UST: variants seen among roughly 807,000 people sequenced by gnomAD.
The protein encoded by UST is chondroitin sulfate 2-O-sulfotransferase.
A neutral mutation model predicts 45.6 loss-of-function variants in UST; 21 were observed. The observed-to-expected ratio is 0.46, with a 90% confidence interval of 0.33 to 0.66. The LOEUF is 0.66. UST is among the 30% of genes least tolerant of loss of function. UST has a pLI of 0.02. For missense variants in UST, 463 were observed against 512.4 expected, an observed-to-expected ratio of 0.90 and a Z score of 0.93; for synonymous variants, 215 against 200.6, an observed-to-expected ratio of 1.07 and a Z score of -0.61.
At chr6:148,987,876 A>G (rs1199174498) in intron 5 of UST, among the ~76,000 whole-genome samples, 1 of 152,116 alleles carries the variant, frequency 6.6e-6, no homozygotes, top group East Asian at 1.9e-4. Flanking sequence ...TCGTTCAGCC[A>G]AACAGACATG....
chr6:148,749,182 A>G (rs1159035098), intron 1 of UST, among the ~76,000 whole-genome samples: 1 of 152,186 alleles, frequency 6.6e-6, no homozygotes, highest in Non-Finnish European at 1.5e-5. Flanking sequence ...TTGGGGCAAT[A>G]TATCCTTTAT....
At chr6:148,954,371 CTCTG>C (rs967664785) in intron 4 of UST, among the ~76,000 whole-genome samples, 1 of 152,194 alleles carries the variant, frequency 6.6e-6, no homozygotes, top group Non-Finnish European at 1.5e-5. Flanking sequence ...AAGTACCAGC[CTCTG>C]TCTGTCTTTT....
chr6:148,904,768 C>G (rs1043761303), intron 2 of UST, among the ~76,000 whole-genome samples: 2 of 152,176 alleles, frequency 1.3e-5, no homozygotes, highest in South Asian at 4.1e-4. Context: ...AAGTGAAGTC[C>G]TCAGTCTCCC....
chr6:148,947,340 G>A (rs890120984), intron 3 of UST, among the ~76,000 whole-genome samples: 4 of 152,152 alleles, frequency 2.6e-5, no homozygotes, highest in East Asian at 1.9e-4. Context: ...TCTTAATCAC[G>A]ATAGGCACCA....
At chr6:148,949,972 G>T (rs1381590810) in intron 3 of UST, among the ~76,000 whole-genome samples, 2 of 152,140 alleles carry the variant, frequency 1.3e-5, no homozygotes, top group Non-Finnish European at 2.9e-5. Flanking sequence ...CTCCATGAAT[G>T]GATACCATCA....
chr6:148,954,213 G>T (rs1780433055), intron 4 of UST, among the ~76,000 whole-genome samples: 1 of 152,100 alleles, frequency 6.6e-6, no homozygotes. Flanking sequence ...TTTTAAAAAG[G>T]AATCAGATTT....
At chr6:148,890,446 C>A (rs1360818433) in intron 2 of UST, among the ~76,000 whole-genome samples, 3 of 152,178 alleles carry the variant, frequency 2.0e-5, no homozygotes, top group Admixed American at 1.3e-4. Context: ...CCAGACCCAT[C>A]TTTTTCATAT....
intron 7 of UST, among the ~76,000 whole-genome samples, chr6:149,040,784 C>T (rs1023010680): frequency 3.9e-5 from 6 of 152,194 alleles, no homozygotes; most frequent in Non-Finnish European, 7.3e-5. Context: ...CTGAACTCCA[C>T]GGCGTGGCTT....
chr6:149,017,819 C>CACACAG (rs1304741806), intron 5 of UST, among the ~76,000 whole-genome samples: 3 of 151,524 alleles, frequency 2.0e-5, no homozygotes, highest in Non-Finnish European at 4.4e-5. Flanking sequence ...CACACACACA[C>CACACAG]ACACACACAC....
chr6:148,972,639 A>C (rs921436338), intron 5 of UST, among the ~76,000 whole-genome samples: 1 of 152,334 alleles, frequency 6.6e-6, no homozygotes, highest in East Asian at 1.9e-4. Flanking sequence ...TCCGCCGGCC[A>C]CCTGTCAGCT....
rs1237564843 is a variant in UST, at chr6:149,074,116, A to T, written c.1221A>T (p.Ter407CysextTer29). The T allele has an allele frequency of 6.2e-7, 1 of 1,613,574 alleles. No individual in the cohort carries two copies. ...EKWLEDIYKR[*>C] ...GGCTGGAAGATATTTATAAGAGGTG[A>T]TGTGACTGTGTTGCCTCTATGGCTT... is the stretch of plus-strand genomic sequence containing the variant. Residue 407 changes from the stop codon to cysteine, a stop_lost, in exon 8 of 8, where the codon TGA (stop) becomes TGT (cysteine). Transcript: ENST00000367463.
At chr6:149,026,328 A>G (rs1776050793) in intron 7 of UST, among the ~76,000 whole-genome samples, 1 of 152,150 alleles carries the variant, frequency 6.6e-6, no homozygotes, top group Admixed American at 6.5e-5. Flanking sequence ...AAAATAAAAT[A>G]AAAGTAAAAA....
intron 5 of UST, among the ~76,000 whole-genome samples, chr6:149,016,865 C>G (rs2340751): frequency 0.67 from 102,282 of 152,074 alleles, 34,795 homozygotes; most frequent in African/African-American, 0.75. Context: ...TCCTGGCCCC[C>G]TCCCTGTTGC....
chr6:148,865,532 AG>A (rs1220830444), intron 1 of UST, among the ~76,000 whole-genome samples: 2,034 of 149,798 alleles, frequency 0.014, 29 homozygotes, highest in Admixed American at 0.025. Flanking sequence ...TGTTTTAAAA[AG>A]AGAGAGAGAG....
intron 2 of UST, among the ~76,000 whole-genome samples, chr6:148,928,229 T>C (rs1174443078): frequency 3.3e-5 from 5 of 152,242 alleles, no homozygotes; most frequent in Admixed American, 2.6e-4. Context: ...AACTTCTGTT[T>C]CCTTCATTTG....
At chr6:148,966,548 A>C (rs1780803261) in intron 5 of UST, among the ~76,000 whole-genome samples, 1 of 152,230 alleles carries the variant, frequency 6.6e-6, no homozygotes, top group South Asian at 2.1e-4. Flanking sequence ...ACTACTCTTC[A>C]AATATTAATG....
chr6:148,842,399 A>G (rs1416019680), intron 1 of UST, among the ~76,000 whole-genome samples: 1 of 152,110 alleles, frequency 6.6e-6, no homozygotes, highest in Admixed American at 6.6e-5. Context: ...TCATTATTTT[A>G]TTTACAAGAT....
At chr6:148,786,571 T>G (rs2114696715) in intron 1 of UST, among the ~76,000 whole-genome samples, 1 of 152,320 alleles carries the variant, frequency 6.6e-6, no homozygotes, top group African/African-American at 2.4e-5. Context: ...CATGATCTCA[T>G]CCCTTTTTAT....
intron 2 of UST, among the ~76,000 whole-genome samples, chr6:148,927,788 T>G (rs1043416333): frequency 6.6e-6 from 1 of 152,226 alleles, no homozygotes; most frequent in Non-Finnish European, 1.5e-5. Flanking sequence ...TGCCAAAATG[T>G]CACTCAGTCA....
Sources: gnomAD v4.1 joint callset for allele counts (sites outside exome capture counted in the v4.1 genomes callset) on GRCh38, gnomAD v4.1.1 for gene constraint, MANE v1.5 for transcripts, NCBI Gene and HGNC (gene_info 2026-07-23, HGNC 2026-07-21) for gene names.